LRPPRC: variants seen among roughly 807,000 people sequenced by gnomAD.
LRPPRC encodes the protein leucine-rich PPR motif-containing protein, mitochondrial.
LRPPRC carries 120 observed loss-of-function variants against 180.3 expected under a neutral mutation model. The ratio of observed to expected loss-of-function variants is 0.67; its 90% CI spans 0.57 to 0.77. LRPPRC has a LOEUF of 0.77. Ranked by LOEUF, LRPPRC falls within the 30% of genes least tolerant of loss-of-function variation. The pLI is 0.00. For missense variants in LRPPRC, 2,012 were observed against 1,657.2 expected (o/e 1.21, Z -3.72); for synonymous variants, 723 against 600.0 (o/e 1.21, Z -3.00).
At chr2:43,987,566 T>C (rs1488013645) in intron 1 of LRPPRC, among the ~76,000 whole-genome samples, 1 of 151,020 alleles carries the variant, frequency 6.6e-6, no homozygotes, top group Non-Finnish European at 1.5e-5. Context: ...ACTAATACCC[T>C]GTTCCCACAA....
chr2:43,890,027 T>C, intron 36 of LRPPRC, 151 bp from the exon 37 acceptor site: 1 of 653,430 alleles, frequency 1.5e-6, no homozygotes, highest in South Asian at 1.9e-5. Context: ...ATTCAGAATC[T>C]ACCATCTCCC....
chr2:43,897,933 A>C (rs1670743021), intron 34 of LRPPRC, among the ~76,000 whole-genome samples: 1 of 152,098 alleles, frequency 6.6e-6, no homozygotes, highest in African/African-American at 2.4e-5. Flanking sequence ...TTATACCCCT[A>C]GTAGGTACTT....
chr2:43,929,100 T>C (rs981999493), intron 25 of LRPPRC, among the ~76,000 whole-genome samples: 1 of 152,192 alleles, frequency 6.6e-6, no homozygotes. Context: ...GTTTATGACA[T>C]CTTTTTACAA....
intron 25 of LRPPRC, among the ~76,000 whole-genome samples, chr2:43,929,022 A>C (rs1041294776): frequency 6.6e-6 from 1 of 152,228 alleles, no homozygotes; most frequent in Non-Finnish European, 1.5e-5. Flanking sequence ...AGCTACAACA[A>C]GAAAATGTTA....
chr2:43,991,935 A>G (rs1674799703), intron 1 of LRPPRC, among the ~76,000 whole-genome samples: 1 of 152,188 alleles, frequency 6.6e-6, no homozygotes, highest in African/African-American at 2.4e-5. Context: ...TTCCTTCTTC[A>G]ATGTCTTAAG....
At chr2:43,955,474 G>GAAAAAAAAAAAAA (rs200193004) in intron 14 of LRPPRC, among the ~76,000 whole-genome samples, 1 of 115,270 alleles carries the variant, frequency 8.7e-6, no homozygotes, top group Non-Finnish European at 1.8e-5. Flanking sequence ...GTCTCAAAAA[G>GAAAAAAAAAAAAA]AAAAAAAAAA....
At chr2:43,898,964 C>G (rs1011107616) in intron 34 of LRPPRC, among the ~76,000 whole-genome samples, 1 of 152,142 alleles carries the variant, frequency 6.6e-6, no homozygotes, top group African/African-American at 2.4e-5. Context: ...CATACCTACC[C>G]CCGCACCACC....
At chr2:43,947,494 G>A (rs531656106) in intron 19 of LRPPRC, 124 bp from the exon 20 acceptor site, 62 of 670,372 alleles carry the variant, frequency 9.2e-5, no homozygotes, top group Non-Finnish European at 1.6e-4. Context: ...TGCTATCAGG[G>A]ATATTAATTG....
intron 3 of LRPPRC, among the ~76,000 whole-genome samples, chr2:43,978,329 A>G (rs928354277): frequency 1.2e-4 from 19 of 152,160 alleles, no homozygotes; most frequent in Non-Finnish European, 1.2e-4. Context: ...CATTATACAC[A>G]AAGCATCATG....
chr2:43,899,087 C>A (rs540111482), intron 34 of LRPPRC, 132 bp downstream of exon 34: 118 of 711,650 alleles, frequency 1.7e-4, no homozygotes, highest in Middle Eastern at 3.6e-4. Flanking sequence ...GTGATTCACA[C>A]TGAATGTAAA....
At chr2:43,890,489 G>A (rs1055926961) in intron 36 of LRPPRC, 64 of 335,590 alleles carry the variant, frequency 1.9e-4, no homozygotes, top group East Asian at 3.1e-4. Flanking sequence ...CGAGGTAGGC[G>A]GATCACGAGG....
intron 29 of LRPPRC, among the ~76,000 whole-genome samples, chr2:43,915,361 T>C (rs981239671): frequency 6.6e-6 from 1 of 151,872 alleles, no homozygotes; most frequent in Non-Finnish European, 1.5e-5. Context: ...TACTCAAAGA[T>C]ATATAGACTG....
At chr2:43,897,113 A>G (rs1392760828) in intron 34 of LRPPRC, among the ~76,000 whole-genome samples, 3 of 152,224 alleles carry the variant, frequency 2.0e-5, no homozygotes, top group African/African-American at 7.2e-5. Context: ...CAGGGAGATA[A>G]CTGCTCATTT....
In LRPPRC at chr2:43,938,224, T is replaced by A. The variant is rs560929136; in HGVS notation, c.2505-3346A>T. ...CAAGACACCCCCCTCAAAATTTCAA[T>A]AGACTACATAATTTTCATGCATAAA... is the stretch of plus-strand genomic sequence containing the variant. On this transcript the variant is annotated intron_variant, in intron 23 of 37. Coordinates refer to ENST00000260665, the MANE Select transcript of LRPPRC (RefSeq NM_133259.4). Among the ~76,000 whole-genome samples, 120 of 151,744 alleles carry A rather than the reference T, an allele frequency of 7.9e-4. 1 individual carries two copies. The highest frequency in any genetic ancestry group is 2.7e-3 in the African/African-American group (111 of 41,412).
Position 43,949,626 on chromosome 2 carries a change from A to G in LRPPRC, c.1711T>C (p.Cys571Arg), listed in dbSNP as rs1221624387. The G allele has an allele frequency of 3.1e-6, 5 of 1,614,062 alleles. No individual in the cohort carries two copies. Among genetic ancestry groups the G allele is most frequent in the Non-Finnish European group, 3.4e-6 (4 of 1,179,928 alleles). ...CCCGTCGGTCCTCGAGGCTCCTGGC[A>G]ATAACGTCCATCCTTGTACAACAAT... ...TELLYKDGRY[C>R]QEPRGPTEAV... Residue 571 changes from cysteine (C) to arginine (R), a missense_variant, in exon 16 of 38, where the codon TGC (cysteine) becomes CGC (arginine). Cys to Arg is a radical substitution (Grantham distance 180). Transcript: ENST00000260665.
rs771663414 is a variant in LRPPRC at position 43,925,164 on chromosome 2, A to C, written c.2806-7T>G. On this transcript the variant is annotated splice_region_variant and splice_polypyrimidine_tract_variant and intron_variant, in intron 26 of 37. Transcript: ENST00000260665. ...ATTTTTCCAGAGTTTCAACCTTAAA[A>C]GTAAGATTAAGAGATAGATCTACCT... 4 of 1,389,594 alleles carry C rather than the reference A, an allele frequency of 2.9e-6. No homozygotes were observed. The Admixed American group carries it at 6.7e-5, about 23-fold the overall frequency. The allele number at this position is 1,389,594 out of a possible 1,614,324, so 86.1% of individuals were successfully genotyped here. A position where few individuals can be genotyped will look rare whatever the true frequency, so the allele number is the denominator to read the frequency against.
At chr2:43,919,425 A>G (rs963913157) in intron 27 of LRPPRC, among the ~76,000 whole-genome samples, 1 of 152,148 alleles carries the variant, frequency 6.6e-6, no homozygotes, top group African/African-American at 2.4e-5. Context: ...TTGAATAGAG[A>G]ATTGTCTATG....
intron 25 of LRPPRC, among the ~76,000 whole-genome samples, chr2:43,929,020 CAAG>C (rs1317595887): frequency 2.0e-5 from 3 of 152,134 alleles, no homozygotes; most frequent in Non-Finnish European, 2.9e-5. Context: ...TAAGCTACAA[CAAG>C]AAAATGTTAA....
intron 16 of LRPPRC, among the ~76,000 whole-genome samples, chr2:43,948,956 T>C (rs1672797843): frequency 6.6e-6 from 1 of 152,118 alleles, no homozygotes; most frequent in Non-Finnish European, 1.5e-5. Flanking sequence ...TAAAGAAAGT[T>C]AAACAATTTT....
Sources: allele counts gnomAD v4.1 joint callset (sites outside exome capture counted in the v4.1 genomes callset), GRCh38; gene constraint gnomAD v4.1.1; transcripts MANE v1.5; gene names NCBI Gene and HGNC (gene_info 2026-07-23, HGNC 2026-07-21).